SYMPK: variants seen among roughly 807,000 people sequenced by gnomAD.
The protein encoded by SYMPK is symplekin scaffold protein, also known as symplekin.
In SYMPK, 49 loss-of-function variants were observed where a neutral mutation model predicts 136.4. The observed-to-expected ratio is 0.36, with a 90% CI of 0.29 to 0.46. The LOEUF (loss-of-function observed/expected upper bound fraction) is 0.46, where lower values mean the gene tolerates loss of function less well. Ranked by LOEUF, SYMPK falls within the 20% of genes least tolerant of loss-of-function variation. The pLI is 1.00. For synonymous variants in SYMPK, 766 were observed against 713.0 expected, an observed-to-expected ratio of 1.07 and a Z score of -1.19; for missense variants, 1,365 against 1,690.0, an observed-to-expected ratio of 0.81 and a Z score of 3.37.
chr19:45,842,523 G>A, intron 8 of SYMPK, 34 bp from the exon 9 acceptor site: 2 of 1,594,492 alleles, frequency 1.3e-6, no homozygotes, highest in Non-Finnish European at 1.7e-6. Flanking sequence ...GTGTCTTGTG[G>A]AAGATCTCAT....
At chr19:45,857,458 C>T (rs1297260556) in intron 1 of SYMPK, among the ~76,000 whole-genome samples, 1 of 148,874 alleles carries the variant, frequency 6.7e-6, no homozygotes, top group Non-Finnish European at 1.5e-5. Flanking sequence ...AACAAACATG[C>T]CAAAAAAACA....
intron 8 of SYMPK, 60 bp from the exon 9 acceptor site, chr19:45,842,549 T>A (rs897770554): frequency 6.3e-7 from 1 of 1,583,178 alleles, no homozygotes; most frequent in African/African-American, 1.3e-5. Flanking sequence ...GCTGCCAGTC[T>A]TAATTCTCAA....
intron 2 of SYMPK, 46 bp downstream of exon 2, chr19:45,854,345 C>G (rs200713027): frequency 6.2e-7 from 1 of 1,609,126 alleles, no homozygotes; most frequent in Non-Finnish European, 8.5e-7. Context: ...ATTGCCAAAG[C>G]CAGGGGCTAT....
intron 10 of SYMPK, among the ~76,000 whole-genome samples, chr19:45,836,406 G>A (rs924256491): frequency 2.0e-5 from 3 of 151,940 alleles, no homozygotes; most frequent in Non-Finnish European, 2.9e-5. Flanking sequence ...TGAGGTGGGC[G>A]GATCACGAGG....
chr19:45,830,312 A>C, intron 12 of SYMPK, 108 bp from the exon 13 acceptor site: 1 of 1,262,738 alleles, frequency 7.9e-7, no homozygotes, highest in Non-Finnish European at 1.1e-6. Context: ...GATGGCCCCC[A>C]TCCCCCTGCT....
rs749890859 is a variant in SYMPK, at chr19:45,821,648, C to T, written c.2792-163G>A. ...GACTGACAACATAAAAAGGGGACAC[C>T]GAAGGCAGCAGCAGCCCTCAGGCAG... On this transcript the variant is annotated intron_variant, in intron 21 of 26. Transcript: ENST00000245934. This position sits in a 1 kb window ranked among gnomAD's most constrained non-coding sequence, Gnocchi z 4.4. Among the ~76,000 whole-genome samples, 4 of 152,140 alleles carry T rather than the reference C, an allele frequency of 2.6e-5. No homozygotes were observed. The highest frequency in any genetic ancestry group is 4.8e-5 in the African/African-American group (2 of 41,422).
rs1164999801 is a variant in SYMPK at position 45,826,335 on chromosome 19, A to G, written c.2220T>C (p.Tyr740=). Residue 740 remains tyrosine (Y), a synonymous_variant, in exon 17 of 27, where the codon TAT becomes TAC. Transcript: ENST00000245934. The stretch of plus-strand genomic sequence containing the variant: ...CATACTCCCGCAGCTGCTCCTTCTC[A>G]TACATGCGTTTGATGAACAGCAGGG... The part of the protein sequence containing the change: ...SQALLFIKRM[Y]EKEQLREYVE... 13 of 1,614,040 alleles carry G rather than the reference A, an allele frequency of 8.1e-6. No homozygotes were observed. The highest frequency in any genetic ancestry group is 1.1e-5 in the Non-Finnish European group (13 of 1,180,032).
chr19:45,827,479 A>C, intron 16 of SYMPK, 31 bp downstream of exon 16: 2 of 1,544,000 alleles, frequency 1.3e-6, no homozygotes, highest in Non-Finnish European at 1.8e-6. Context: ...CTGCAGGCTG[A>C]GGGCAGCCAG....
Position 45,844,156 on chromosome 19 carries a change from T to G in SYMPK, c.721A>C (p.Lys241Gln), listed in dbSNP as rs1003627454. The change falls in exon 8 of 27, where the codon AAG becomes CAG. Residue 241 changes from lysine to glutamine, a missense_variant. By Grantham distance (53) the Lys-to-Gln change is moderately conservative. Coordinates refer to ENST00000245934, the MANE Select transcript of SYMPK (RefSeq NM_004819.3). ...GAGATGGCAGGGTGCACCATGAACT[T>G]AAGCAGCTGCTCCAAGGCTGCCTTG... ...EGKAALEQLL[K>Q]FMVHPAISSI... 8 of 1,611,588 alleles carry G rather than the reference T, an allele frequency of 5.0e-6. No homozygotes were observed. Among genetic ancestry groups the G allele is most frequent in the African/African-American group, 1.3e-5 (1 of 74,732 alleles).
chr19:45,834,332 G>GC (rs1327066648), intron 11 of SYMPK, among the ~76,000 whole-genome samples: 1 of 152,020 alleles, frequency 6.6e-6, no homozygotes, highest in African/African-American at 2.4e-5. Flanking sequence ...GGTGGCATGT[G>GC]CCTGTAGTCC....
rs957537055 is a variant in SYMPK, at chr19:45,830,547, G to A, written c.1599-343C>T. On this transcript the variant is annotated intron_variant, in intron 12 of 26. Transcript: ENST00000245934. ...GTGGGCACGAGTGGAGGAGGGGTGA[G>A]GGTAGCAGAAGAGAGCTCGGAGGGT... The A allele has an allele frequency of 1.4e-4, 34 of 234,976 alleles. 1 individual carries two copies. Among genetic ancestry groups the A allele is most frequent in the Non-Finnish European group, 2.8e-4 (32 of 115,192 alleles). The allele number at this position is 234,976 out of a possible 1,614,324, so 14.6% of individuals were successfully genotyped here. A position where few individuals can be genotyped will look rare whatever the true frequency, so the allele number is the denominator to read the frequency against.
intron 14 of SYMPK, chr19:45,828,360 T>C (rs768746429): frequency 1.8e-4 from 34 of 189,494 alleles, no homozygotes; most frequent in Admixed American, 9.3e-4. Flanking sequence ...CGCCCTGAAT[T>C]TGACATGTTC....
rs1971777975 is a variant in SYMPK, at chr19:45,854,607, T to C, written c.-12-100A>G. ...ACACCTACAAAGGGCCCAAGCCTCC[T>C]TCCCAGGCTGTTCCTCCCCAGTCAG... is the stretch of plus-strand genomic sequence containing the variant. On this transcript the variant is annotated intron_variant, in intron 1 of 26. Coordinates refer to ENST00000245934, the MANE Select transcript of SYMPK (RefSeq NM_004819.3). 10 of 926,058 alleles carry C rather than the reference T, an allele frequency of 1.1e-5. No individual in the cohort carries two copies. The South Asian group carries it at 1.5e-4, about 14-fold the overall frequency. 57.4% of individuals were successfully genotyped at this position (926,058 alleles called of 1,614,324 possible). A position where few individuals can be genotyped will look rare whatever the true frequency, so the allele number is the denominator to read the frequency against.
At chr19:45,839,862 A>G (rs1023347407) in intron 9 of SYMPK, among the ~76,000 whole-genome samples, 2 of 151,722 alleles carry the variant, frequency 1.3e-5, no homozygotes, top group African/African-American at 4.8e-5. Flanking sequence ...AAAAAAACAC[A>G]AAAAAACCAC....
At chr19:45,828,123 G>C in intron 14 of SYMPK, 1 of 550,828 alleles carries the variant, frequency 1.8e-6, no homozygotes, top group Non-Finnish European at 3.3e-6. Context: ...GCACCTCTCT[G>C]AAACTCATTT....
At chr19:45,856,925 T>C (rs1242229543) in intron 1 of SYMPK, among the ~76,000 whole-genome samples, 7 of 150,996 alleles carry the variant, frequency 4.6e-5, no homozygotes, top group Non-Finnish European at 1.0e-4. Flanking sequence ...GAGACCAGAC[T>C]GGCCAACATG....
intron 12 of SYMPK, 39 bp downstream of exon 12, chr19:45,831,345 G>A: frequency 6.9e-7 from 1 of 1,457,514 alleles, no homozygotes; most frequent in Non-Finnish European, 9.1e-7. Context: ...CTTCAGGGTA[G>A]GGCTCCTGTC....
At chr19:45,844,973 A>G (rs1971526576) in intron 7 of SYMPK, among the ~76,000 whole-genome samples, 1 of 152,248 alleles carries the variant, frequency 6.6e-6, no homozygotes, top group Admixed American at 6.5e-5. Context: ...ATGCATAATT[A>G]TCACCATCAG....
intron 3 of SYMPK, among the ~76,000 whole-genome samples, chr19:45,853,532 A>C (rs1003293412): frequency 1.3e-5 from 2 of 151,988 alleles, no homozygotes. Context: ...CAGCTACTCA[A>C]GAGGCTGAGG....
Sources: allele counts gnomAD v4.1 joint callset (sites outside exome capture counted in the v4.1 genomes callset), GRCh38; gene constraint gnomAD v4.1.1; non-coding constraint Gnocchi (gnomAD v3.1); transcripts MANE v1.5; gene names NCBI Gene and HGNC (gene_info 2026-07-23, HGNC 2026-07-21).